MYO18B: variants seen among roughly 807,000 people sequenced by gnomAD.
MYO18B encodes the protein myosin XVIIIB.
In MYO18B, 204 loss-of-function variants were observed where a neutral mutation model predicts 273.0. That is an observed-to-expected ratio of 0.75 (90% CI 0.67 to 0.84). The LOEUF is 0.84. Among genes scored for constraint, MYO18B ranks in the 40% least tolerant of loss-of-function variants. The pLI is 0.00. For synonymous variants in MYO18B, 1,330 were observed against 1,305.7 expected (o/e 1.02, Z -0.40); for missense variants, 3,212 against 3,287.6 (o/e 0.98, Z 0.56).
chr22:26,062,960 C>T, the MYO18B span, among the ~76,000 whole-genome samples: 105 of 152,304 alleles, frequency 6.9e-4, no homozygotes, highest in Non-Finnish European at 1.4e-3. Flanking sequence ...GTCGCAGTCT[C>T]AACATCCTGG....
chr22:25,895,328 A>G (rs2091773422), intron 28 of MYO18B, 48 bp downstream of exon 28: 1 of 1,556,402 alleles, frequency 6.4e-7, no homozygotes. Flanking sequence ...GAGAGTGGGC[A>G]GGCTCTCACC....
intron 24 of MYO18B, among the ~76,000 whole-genome samples, chr22:25,876,698 C>G (rs2091210149): frequency 6.6e-6 from 1 of 151,856 alleles, no homozygotes; most frequent in African/African-American, 2.4e-5. Flanking sequence ...TTCATTCTTC[C>G]CTGTCACCAC....
chr22:25,930,602 A>C (rs1485554492), intron 34 of MYO18B, among the ~76,000 whole-genome samples: 1 of 150,798 alleles, frequency 6.6e-6, no homozygotes, highest in Non-Finnish European at 1.5e-5. Flanking sequence ...CCTCAACCTC[A>C]AGCAGAATAC....
intron 1 of MYO18B, among the ~76,000 whole-genome samples, chr22:25,750,743 T>C (rs992651626): frequency 6.6e-6 from 1 of 151,632 alleles, no homozygotes; most frequent in Non-Finnish European, 1.5e-5. Flanking sequence ...TGACAGCGGG[T>C]GTTTGGGTGG....
At chr22:25,881,855 G>A (rs2091345756) in intron 25 of MYO18B, among the ~76,000 whole-genome samples, 1 of 151,590 alleles carries the variant, frequency 6.6e-6, no homozygotes, top group Non-Finnish European at 1.5e-5. Flanking sequence ...CCAGAGCAAA[G>A]GGAAATAAGA....
chr22:25,895,443 C>T, intron 28 of MYO18B, 163 bp downstream of exon 28: 3 of 761,658 alleles, frequency 3.9e-6, no homozygotes, highest in Non-Finnish European at 4.1e-6. Context: ...ATGCTGGTCA[C>T]TGTGAGACAT....
intron 12 of MYO18B, among the ~76,000 whole-genome samples, chr22:25,821,420 G>C (rs2089277026): frequency 6.6e-6 from 1 of 151,732 alleles, no homozygotes; most frequent in East Asian, 1.9e-4. Context: ...TAGAGATGTT[G>C]AACATTTTTT....
chr22:25,816,878 C>T (rs1161338386), intron 12 of MYO18B, among the ~76,000 whole-genome samples: 4 of 152,130 alleles, frequency 2.6e-5, no homozygotes, highest in Admixed American at 6.5e-5. Context: ...CACAGGCCTC[C>T]GAATTGTAAA....
the MYO18B span, among the ~76,000 whole-genome samples, chr22:26,047,770 C>A: frequency 1.3e-5 from 2 of 151,890 alleles, no homozygotes; most frequent in Non-Finnish European, 2.9e-5. Context: ...AAATTAATTT[C>A]TCTTGGTTAT....
At chr22:25,948,904 G>A (rs1226558640) in intron 36 of MYO18B, among the ~76,000 whole-genome samples, 1 of 152,022 alleles carries the variant, frequency 6.6e-6, no homozygotes, top group African/African-American at 2.4e-5. Context: ...ACAAAGAATA[G>A]GAGTCACTTA....
rs1320928556 is a variant in MYO18B, at chr22:25,898,349, G to A, written c.4711G>A (p.Ala1571Thr). Reference protein sequence around the residue: ...QSAYDGAKKMAHQLKRKCHHL... With the variant: ...QSAYDGAKKMTHQLKRKCHHL... ...TGCTTATGACGGGGCCAAGAAGATG[G>A]CTCACCAACTGAAGAGGAAGTGCCA... The change falls in exon 29 of 44, where the codon GCT becomes ACT. Residue 1571 changes from alanine to threonine, a missense_variant. Transcript: ENST00000335473. 1.9e-6 allele frequency: 3 copies of A among 1,613,880 alleles called. No homozygotes were observed. The highest frequency in any genetic ancestry group is 2.5e-6 in the Non-Finnish European group (3 of 1,179,846).
At chr22:25,844,257 G>A (rs2090170446) in intron 18 of MYO18B, among the ~76,000 whole-genome samples, 1 of 152,216 alleles carries the variant, frequency 6.6e-6, no homozygotes, top group African/African-American at 2.4e-5. Flanking sequence ...GATACGTTTT[G>A]TAGCGTTAAA....
chr22:25,830,419 G>A (rs1046084963), intron 15 of MYO18B, among the ~76,000 whole-genome samples: 1 of 152,196 alleles, frequency 6.6e-6, no homozygotes, highest in African/African-American at 2.4e-5. Context: ...GATGGCCTGG[G>A]CAGCTCTCTT....
At position 26,027,150 on chromosome 22, in the gene MYO18B, C is replaced by T. The variant is rs372474498; in HGVS notation, c.7176C>T (p.Asp2392=). 29 of 1,613,854 alleles carry T rather than the reference C, an allele frequency of 1.8e-5. No homozygotes were observed. In the Admixed American group the frequency reaches 2.2e-4, roughly 12 times the overall value. The change falls in exon 43 of 44, where the codon GAC becomes GAT. Residue 2392 remains aspartate, a synonymous_variant. Transcript: ENST00000335473. The surrounding 1 kb of genome is among the most constrained non-coding windows in gnomAD (Gnocchi z 4.1). ...GGCGGTGTCTGGAGTCCTCTGTGGACGATGCGGGCTGTCCAGACCTTGGAA... is the reference window on the plus strand; with the variant it reads ...GGCGGTGTCTGGAGTCCTCTGTGGATGATGCGGGCTGTCCAGACCTTGGAA... ...PRRRCLESSV[D]DAGCPDLGKE...
the MYO18B span, among the ~76,000 whole-genome samples, chr22:26,041,203 T>G: frequency 6.6e-6 from 1 of 151,564 alleles, no homozygotes; most frequent in Non-Finnish European, 1.5e-5. Flanking sequence ...TTATGTGCGG[T>G]CCAAGACAAT....
intron 40 of MYO18B, among the ~76,000 whole-genome samples, chr22:26,000,715 C>G (rs1193301219): frequency 6.6e-6 from 1 of 151,986 alleles, no homozygotes; most frequent in Non-Finnish European, 1.5e-5. Context: ...CTTAATTCAG[C>G]CTTCTTATTT....
At chr22:25,868,581 C>A (rs1396740243) in intron 22 of MYO18B, among the ~76,000 whole-genome samples, 196 bp downstream of exon 22, 1 of 152,090 alleles carries the variant, frequency 6.6e-6, no homozygotes, top group Admixed American at 6.5e-5. Context: ...GAGTTGAAAT[C>A]ACACTGGGAA....
chr22:25,814,337 T>TTTTTTC (rs2088908429), intron 12 of MYO18B, among the ~76,000 whole-genome samples: 1 of 98,846 alleles, frequency 1.0e-5, no homozygotes, highest in Non-Finnish European at 2.0e-5. Context: ...TTTTTTTTTT[T>TTTTTTC]GAGACAGAGT....
chr22:25,821,508 G>C (rs541099968), intron 12 of MYO18B, among the ~76,000 whole-genome samples: 4 of 152,202 alleles, frequency 2.6e-5, no homozygotes, highest in Non-Finnish European at 5.9e-5. Flanking sequence ...CCGGGAGTGG[G>C]GGCTCACGCC....
Sources: gnomAD v4.1 joint callset for allele counts (sites outside exome capture counted in the v4.1 genomes callset) on GRCh38, gnomAD v4.1.1 for gene constraint, Gnocchi (gnomAD v3.1) non-coding constraint, MANE v1.5 for transcripts, NCBI Gene and HGNC (gene_info 2026-07-23, HGNC 2026-07-21) for gene names.